NBPF26: variants seen among roughly 807,000 people sequenced by gnomAD.
NBPF26 encodes the protein NBPF family member NBPF26.
A neutral mutation model predicts 119.6 loss-of-function variants in NBPF26; 79 were observed. The ratio of observed to expected loss-of-function variants is 0.66; its 90% CI spans 0.55 to 0.80. The LOEUF (loss-of-function observed/expected upper bound fraction) is 0.80. Ranked by LOEUF, NBPF26 falls within the 30% of genes least tolerant of loss-of-function variation. The pLI is 0.00. For synonymous variants in NBPF26, 299 were observed against 457.7 expected, an observed-to-expected ratio of 0.65 and a Z score of 4.43; for missense variants, 800 against 1,198.2, an observed-to-expected ratio of 0.67 and a Z score of 4.91.
intron 2 of NBPF26, among the ~76,000 whole-genome samples, chr1:120,784,112 C>T (rs1383042754): frequency 0.055 from 6,402 of 117,216 alleles, 1,959 homozygotes; most frequent in African/African-American, 0.17. Flanking sequence ...AATGGGACCT[C>T]ATGAAAGTGT....
chr1:120,765,723 A>G (rs1651183771), intron 2 of NBPF26, among the ~76,000 whole-genome samples: 1 of 116,058 alleles, frequency 8.6e-6, no homozygotes, highest in African/African-American at 4.0e-5. Flanking sequence ...AAGACTTGGA[A>G]CCAACCCAAA....
intron 2 of NBPF26, among the ~76,000 whole-genome samples, chr1:120,782,172 G>GA (rs1266433425): frequency 2.1e-5 from 2 of 94,994 alleles, no homozygotes; most frequent in Non-Finnish European, 3.8e-5. Context: ...CTGGAAAAAA[G>GA]AAAACAAAAG....
rs1474232508 is a variant in NBPF26 at position 120,823,605 on chromosome 1, G to A, written c.2639+245G>A. 3.8e-4 allele frequency among the ~76,000 whole-genome samples: 47 copies of A among 124,010 alleles called. 13 individuals are homozygous for A. Among genetic ancestry groups the A allele is most frequent in the African/African-American group, 1.5e-3 (39 of 25,900 alleles). 81.4% of individuals were successfully genotyped at this position (124,010 alleles called of 152,430 possible). On this transcript the variant is annotated intron_variant, in intron 17 of 29. Coordinates refer to ENST00000620612, the Ensembl canonical transcript of NBPF26. ...CAAAAGCTGTATTCTCATGGTAACT[G>A]CAGGGAAACTTGACCACATTTTACG...
intron 9 of NBPF26, among the ~76,000 whole-genome samples, chr1:120,810,791 A>T (rs1651842333): frequency 9.1e-6 from 1 of 110,098 alleles, no homozygotes; most frequent in Middle Eastern, 3.6e-3. Context: ...CATCTTTACA[A>T]AGAATACAAA....
intron 4 of NBPF26, among the ~76,000 whole-genome samples, chr1:120,804,814 G>C (rs1651640406): frequency 8.5e-6 from 1 of 117,922 alleles, no homozygotes; most frequent in Admixed American, 8.1e-5. Context: ...GGATGCAGCA[G>C]CAAGAATACT....
Position 120,785,178 on chromosome 1 carries a change from A to G in NBPF26, c.360A>G (p.Thr120=), listed in dbSNP as rs1651411714. 6.2e-6 allele frequency: 9 copies of G among 1,445,542 alleles called. No individual in the cohort carries two copies. In the Admixed American group the frequency reaches 1.6e-4, roughly 25 times the overall value. The allele number at this position is 1,445,542 out of a possible 1,614,324, so 89.5% of individuals were successfully genotyped here. The change falls in exon 3 of 30, where the codon ACA becomes ACG. Residue 120 remains threonine (T), a synonymous_variant. Coordinates refer to ENST00000620612, the Ensembl canonical transcript of NBPF26. ...CTCGACCTTGCCTGAATGGCGGCAC[A>G]TGCCATATGCTCAGCCGGGATACCT...
Position 120,723,971 on chromosome 1 carries a change from C to T in NBPF26, c.-207C>T, listed in dbSNP as rs1347821178. On this transcript the variant is annotated 5_prime_UTR_variant, in exon 1 of 30. Coordinates refer to ENST00000620612, the Ensembl canonical transcript of NBPF26. ...GCCAAACTTCCGGCGGCGGCTGAGG[C>T]GGCGGCCGAGGAGCGGCGGACTCGG... is the stretch of plus-strand genomic sequence containing the variant. 19 of 1,067,560 alleles carry T rather than the reference C, an allele frequency of 1.8e-5. 3 individuals are homozygous for T. The highest frequency in any genetic ancestry group is 4.3e-5 in the Admixed American group (1 of 23,186). 66.1% of individuals were successfully genotyped at this position (1,067,560 alleles called of 1,614,324 possible).
At chr1:120,813,281 T>C (rs1337775011) in intron 10 of NBPF26, among the ~76,000 whole-genome samples, 1 of 126,558 alleles carries the variant, frequency 7.9e-6, no homozygotes, top group Non-Finnish European at 1.6e-5. Flanking sequence ...ACACTATCTA[T>C]TAGTTCTTCA....
At chr1:120,804,907 A>T (rs1651643203) in intron 4 of NBPF26, among the ~76,000 whole-genome samples, 1 of 120,280 alleles carries the variant, frequency 8.3e-6, no homozygotes, top group Admixed American at 7.9e-5. Context: ...GAAGACCCGG[A>T]GGATATCAGG....
intron 2 of NBPF26, among the ~76,000 whole-genome samples, chr1:120,770,701 A>C (rs1651253683): frequency 8.3e-6 from 1 of 120,096 alleles, no homozygotes; most frequent in Non-Finnish European, 1.6e-5. Context: ...TCTGTAGCTA[A>C]CCTGAGATAT....
Position 120,752,656 on chromosome 1 carries a change from C to T in NBPF26, c.74-10972C>T, listed in dbSNP as rs1411098529. On this transcript the variant is annotated intron_variant, in intron 1 of 29. Transcript: ENST00000620612. ...CACAATCTTGGCTCATTGCAAGCTC[C>T]GCCTCCCGGGTTCATGCCATTCTCC... is the stretch of plus-strand genomic sequence containing the variant. Among the ~76,000 whole-genome samples, 2 of 39,658 alleles carry T rather than the reference C, an allele frequency of 5.0e-5. 1 individual carries two copies. Among genetic ancestry groups the T allele is most frequent in the Non-Finnish European group, 7.9e-5 (2 of 25,468 alleles). 26.0% of individuals were successfully genotyped at this position (39,658 alleles called of 152,430 possible). A position where few individuals can be genotyped will look rare whatever the true frequency, so the allele number is the denominator to read the frequency against.
chr1:120,769,736 A>G (rs1304940073), intron 2 of NBPF26, among the ~76,000 whole-genome samples: 9 of 114,398 alleles, frequency 7.9e-5, no homozygotes, highest in African/African-American at 2.5e-4. Context: ...GTTAATCAAT[A>G]TTGTTATCAT....
At chr1:120,728,870 G>A (rs1326712195) in intron 1 of NBPF26, among the ~76,000 whole-genome samples, 4 of 110,122 alleles carry the variant, frequency 3.6e-5, no homozygotes, top group South Asian at 2.6e-4. Context: ...AAAACTAAAG[G>A]TGAAATATGA....
At chr1:120,810,289 G>A in intron 8 of NBPF26, 58 bp from the exon 9 acceptor site, 1 of 1,476,078 alleles carries the variant, frequency 6.8e-7, no homozygotes, top group South Asian at 1.2e-5. Flanking sequence ...AGGACTCCAT[G>A]GGGTCCAATC....
chr1:120,840,676 A>T (rs1652500067), downstream of NBPF26: 1 of 1,416,822 alleles, frequency 7.1e-7, no homozygotes, highest in Non-Finnish European at 9.4e-7. Context: ...GTACAGTTCC[A>T]TTTGGAAGCC....
chr1:120,842,189 C>G, downstream of NBPF26, among the ~76,000 whole-genome samples: 1 of 108,458 alleles, frequency 9.2e-6, no homozygotes, highest in South Asian at 2.7e-4. Context: ...GGTACTGATG[C>G]GAATTAATAA....
In NBPF26 at chr1:120,778,356, G is replaced by C. The variant is rs1452024038; in HGVS notation, c.156-6618G>C. On this transcript the variant is annotated intron_variant, in intron 2 of 29. Transcript: ENST00000620612. Reference sequence around the variant, plus strand: ...GAAAGTGGGTTGAAAGCAGAGTTCTGTTCAAAGAATTTTCTGCTGGAAACT... The same window carrying C: ...GAAAGTGGGTTGAAAGCAGAGTTCTCTTCAAAGAATTTTCTGCTGGAAACT... Among the ~76,000 whole-genome samples, 14 of 99,350 alleles carry C rather than the reference G, an allele frequency of 1.4e-4. 4 individuals carry two copies. The highest frequency in any genetic ancestry group is 1.0e-3 in the African/African-American group (14 of 13,914). The allele number at this position is 99,350 out of a possible 152,430, so 65.2% of individuals were successfully genotyped here. A position where few individuals can be genotyped will look rare whatever the true frequency, so the allele number is the denominator to read the frequency against.
intron 12 of NBPF26, among the ~76,000 whole-genome samples, chr1:120,815,293 A>G (rs1475964535): frequency 1.7e-5 from 2 of 116,774 alleles, no homozygotes; most frequent in African/African-American, 1.0e-4. Context: ...GCATCTATCT[A>G]GTTTTAAAGG....
In NBPF26 at chr1:120,801,673, T is replaced by TA. The variant is rs1240726198; in HGVS notation, c.752-3877dup. Among the ~76,000 whole-genome samples the TA allele has an allele frequency of 4.7e-5, 5 of 105,458 alleles. 2 individuals carry two copies. Among genetic ancestry groups the TA allele is most frequent in the South Asian group, 5.7e-4 (2 of 3,532 alleles). The allele number at this position is 105,458 out of a possible 152,430, so 69.2% of individuals were successfully genotyped here. On this transcript the variant is annotated intron_variant, in intron 4 of 29. Transcript: ENST00000620612. ...AGCAAGACCTTGTCTCCATGAAAAA[T>TA]AAAAAACTAGCCAGAAATGGTGATG...
Sources: gnomAD v4.1 joint callset for allele counts (sites outside exome capture counted in the v4.1 genomes callset) on GRCh38, gnomAD v4.1.1 for gene constraint, MANE v1.5 for transcripts, NCBI Gene and HGNC (gene_info 2026-07-23, HGNC 2026-07-21) for gene names.